The following MLLT10 variants were observed in gnomAD, a reference collection of about 807,000 sequenced individuals.
MLLT10 encodes MLLT10 histone lysine methyltransferase DOT1L cofactor.
A neutral mutation model predicts 129.1 loss-of-function variants in MLLT10; 30 were observed. The observed-to-expected ratio is 0.23, with a 90% CI of 0.17 to 0.32. The LOEUF (loss-of-function observed/expected upper bound fraction) is 0.32, where lower values mean the gene tolerates loss of function less well. MLLT10 is among the 10% of genes least tolerant of loss of function. MLLT10 has a pLI of 1.00. For missense variants in MLLT10, 1,119 were observed against 1,268.3 expected (o/e 0.88, Z 1.79); for synonymous variants, 490 against 446.4 (o/e 1.10, Z -1.23).
intron 13 of MLLT10, among the ~76,000 whole-genome samples, chr10:21,697,748 A>G (rs1291786242): frequency 2.0e-5 from 3 of 152,198 alleles, no homozygotes; most frequent in African/African-American, 7.2e-5. Context: ...TGAGTAATGA[A>G]TGGATTAATT....
intron 3 of MLLT10, among the ~76,000 whole-genome samples, chr10:21,555,887 G>A (rs1465136322): frequency 6.1e-5 from 9 of 147,202 alleles, no homozygotes; most frequent in African/African-American, 2.3e-4. Context: ...GGCTGGTCTC[G>A]AACTCCCGAC....
intron 3 of MLLT10, among the ~76,000 whole-genome samples, chr10:21,547,925 G>A (rs1241408558): frequency 6.6e-6 from 1 of 151,996 alleles, no homozygotes; most frequent in Non-Finnish European, 1.5e-5. Context: ...GTTCAATCTA[G>A]CCTTTTATTT....
At chr10:21,698,973 C>T (rs1421690067) in intron 13 of MLLT10, among the ~76,000 whole-genome samples, 3 of 152,210 alleles carry the variant, frequency 2.0e-5, no homozygotes, top group Non-Finnish European at 4.4e-5. Flanking sequence ...TTCCCAGGTT[C>T]AAGCAATCCT....
At chr10:21,666,562 C>A (rs1468128790) in intron 9 of MLLT10, among the ~76,000 whole-genome samples, 1 of 151,766 alleles carries the variant, frequency 6.6e-6, no homozygotes, top group Admixed American at 6.6e-5. Context: ...ACTGGGAAGG[C>A]TGAGGCAGGA....
At chr10:21,545,963 G>A (rs1260648408) in intron 3 of MLLT10, among the ~76,000 whole-genome samples, 1 of 152,080 alleles carries the variant, frequency 6.6e-6, no homozygotes, top group East Asian at 1.9e-4. Context: ...CACCATGCCT[G>A]GCCTATTTTT....
intron 8 of MLLT10, among the ~76,000 whole-genome samples, chr10:21,627,338 G>A (rs1304989567): frequency 6.6e-6 from 1 of 152,090 alleles, no homozygotes; most frequent in Non-Finnish European, 1.5e-5. Flanking sequence ...AACAATTACA[G>A]TACAGTGATC....
chr10:21,542,057 G>C (rs1379229689), intron 3 of MLLT10, among the ~76,000 whole-genome samples: 1 of 152,168 alleles, frequency 6.6e-6, no homozygotes, highest in Non-Finnish European at 1.5e-5. Flanking sequence ...AGTAAACACT[G>C]ACAATGAGAT....
rs188683433 is a variant in MLLT10 at position 21,624,672 on chromosome 10, C to A, written c.699+7465C>A. 3.0e-3 allele frequency: 4,320 copies of A among 1,436,288 alleles called. 13 individuals are homozygous for A. The highest frequency in any genetic ancestry group is 3.7e-3 in the Non-Finnish European group (3,747 of 1,026,384). The allele number at this position is 1,436,288 out of a possible 1,614,324, so 89.0% of individuals were successfully genotyped here. A position where few individuals can be genotyped will look rare whatever the true frequency, so the allele number is the denominator to read the frequency against. On this transcript the variant is annotated intron_variant, in intron 8 of 22. Coordinates refer to ENST00000307729, the MANE Select transcript of MLLT10 (RefSeq NM_001195626.3). The stretch of plus-strand genomic sequence containing the variant: ...CCATAGTTACCAGAATAGTCACCAC[C>A]TTGCTGAAGCGGCTGCTGAGCGATG...
intron 3 of MLLT10, among the ~76,000 whole-genome samples, chr10:21,565,564 C>T (rs917046938): frequency 6.6e-6 from 1 of 150,424 alleles, no homozygotes; most frequent in African/African-American, 2.4e-5. Flanking sequence ...TCCTCGGCCT[C>T]CCAAAGTGCT....
chr10:21,676,254 A>G (rs1338574245), intron 11 of MLLT10, among the ~76,000 whole-genome samples: 1 of 151,824 alleles, frequency 6.6e-6, no homozygotes, highest in Non-Finnish European at 1.5e-5. Flanking sequence ...TGTCTCTACT[A>G]AAAATACAAA....
intron 2 of MLLT10, among the ~76,000 whole-genome samples, chr10:21,536,977 G>A (rs1021051332): frequency 1.3e-5 from 2 of 151,954 alleles, no homozygotes; most frequent in Non-Finnish European, 2.9e-5. Flanking sequence ...AGTAGAGATG[G>A]GGTTTCTCCA....
rs147561617 is a variant in MLLT10, at chr10:21,742,526, T to TA, written c.*552dup. 6,618 of 214,584 alleles carry TA rather than the reference T, an allele frequency of 0.031. 159 individuals carry two copies. Among genetic ancestry groups the TA allele is most frequent in the African/African-American group, 0.063 (2,797 of 44,366 alleles). 13.3% of individuals were successfully genotyped at this position (214,584 alleles called of 1,614,324 possible). ...TCACCTGGGACTTGGCAATCTTTGT[T>TA]AAAAAAAAATTTCCTTTCTAATGGG... On this transcript the variant is annotated 3_prime_UTR_variant, in exon 23 of 23. Transcript: ENST00000307729.
chr10:21,538,802 T>C (rs982666718), intron 2 of MLLT10, 31 bp from the exon 3 acceptor site: 3 of 1,536,000 alleles, frequency 2.0e-6, no homozygotes. Context: ...CTTCGAATCT[T>C]AACATTTTAA....
rs1294157179 is a variant in MLLT10, at chr10:21,705,522, G to A, written c.1700-8250G>A. On this transcript the variant is annotated intron_variant, in intron 13 of 22. Coordinates refer to ENST00000307729, the MANE Select transcript of MLLT10 (RefSeq NM_001195626.3). Reference sequence around the variant, plus strand: ...ATGTTCAGGTAGCCGGGGCAGCATTGGTCACACCGTTGCCCTGTCACTGGA... The same window carrying A: ...ATGTTCAGGTAGCCGGGGCAGCATTAGTCACACCGTTGCCCTGTCACTGGA... Among the ~76,000 whole-genome samples the A allele has an allele frequency of 2.0e-5, 3 of 152,180 alleles. No individual in the cohort carries two copies. The South Asian group carries it at 6.2e-4, about 31-fold the overall frequency.
At chr10:21,689,181 A>G (rs536729974) in intron 13 of MLLT10, among the ~76,000 whole-genome samples, 21 of 152,116 alleles carry the variant, frequency 1.4e-4, no homozygotes, top group African/African-American at 4.8e-4. Flanking sequence ...CTTTATGTCT[A>G]TATGTAAGGT....
rs190211326 is a variant in MLLT10 at position 21,599,386 on chromosome 10, A to G, written c.405+3946A>G. Among the ~76,000 whole-genome samples the G allele has an allele frequency of 5.9e-5, 9 of 152,258 alleles. No individual in the cohort carries two copies. In the East Asian group the frequency reaches 1.7e-3, roughly 29 times the overall value. On this transcript the variant is annotated intron_variant, in intron 5 of 22. Transcript: ENST00000307729. ...CTGTGAGGTCACAATACTTTGATTC[A>G]TTATGTGAATATACATACACACACT...
In MLLT10 at chr10:21,742,397, G is replaced by A. The variant is rs917192680; in HGVS notation, c.*414G>A. On this transcript the variant is annotated 3_prime_UTR_variant, in exon 23 of 23. Transcript: ENST00000307729. The stretch of plus-strand genomic sequence containing the variant: ...GATTTTATTGTACAAGTTGAAATAT[G>A]CTCTTTTGTTTGGGTTACAGTATGC... 2 of 228,466 alleles carry A rather than the reference G, an allele frequency of 8.8e-6. No homozygotes were observed. Among genetic ancestry groups the A allele is most frequent in the Non-Finnish European group, 1.7e-5 (2 of 115,622 alleles). The allele number at this position is 228,466 out of a possible 1,614,324, so 14.2% of individuals were successfully genotyped here.
At chr10:21,652,181 G>T (rs1484073178) in intron 9 of MLLT10, among the ~76,000 whole-genome samples, 1 of 151,764 alleles carries the variant, frequency 6.6e-6, no homozygotes, top group African/African-American at 2.4e-5. Flanking sequence ...CAAAGTGCTG[G>T]GATTACAGGC....
intron 13 of MLLT10, among the ~76,000 whole-genome samples, chr10:21,689,663 T>TATATATA (rs1351475704): frequency 7.2e-6 from 1 of 139,712 alleles, no homozygotes; most frequent in African/African-American, 2.7e-5. Context: ...ATATATATAT[T>TATATATA]TTTTTTTTCT....
Sources: allele counts gnomAD v4.1 joint callset (sites outside exome capture counted in the v4.1 genomes callset), GRCh38; gene constraint gnomAD v4.1.1; transcripts MANE v1.5; gene names NCBI Gene and HGNC (gene_info 2026-07-23, HGNC 2026-07-21).